ZNF626: variants seen among roughly 807,000 people sequenced by gnomAD.
The protein encoded by ZNF626 is zinc finger protein 626.
Under a neutral mutation model 11.7 loss-of-function variants are expected in ZNF626, and 4 were observed. The observed-to-expected ratio is 0.34, with a 90% CI of 0.17 to 0.78. The LOEUF (loss-of-function observed/expected upper bound fraction) is 0.78, where lower values mean the gene tolerates loss of function less well. Among genes scored for constraint, ZNF626 ranks in the 30% least tolerant of loss-of-function variants. ZNF626 has a pLI of 0.57. For missense variants in ZNF626, 588 were observed against 587.1 expected (o/e 1.00, Z -0.01); for synonymous variants, 179 against 198.6 (o/e 0.90, Z 0.83).
rs533301723 is a variant in ZNF626 at position 20,622,734 on chromosome 19, T to C, written c.*1556A>G. The C allele has an allele frequency of 7.9e-5, 12 of 152,322 alleles. No individual in the cohort carries two copies. The East Asian group carries it at 2.3e-3, about 29-fold the overall frequency. 9.4% of individuals were successfully genotyped at this position (152,322 alleles called of 1,614,324 possible). ...ACAACTTTAGTTGTGAATTCATTTA[T>C]ATACTCAACACTCTTATTTAATGTA... On this transcript the variant is annotated 3_prime_UTR_variant, in exon 4 of 4. Transcript: ENST00000601440.
chr19:20,649,773 C>G (rs137881355), intron 1 of ZNF626, among the ~76,000 whole-genome samples: 7 of 152,212 alleles, frequency 4.6e-5, no homozygotes, highest in African/African-American at 1.7e-4. Flanking sequence ...TGAAAAGGGT[C>G]CATGAATGGG....
intron 1 of ZNF626, among the ~76,000 whole-genome samples, chr19:20,649,750 G>A (rs1555772350): frequency 6.6e-6 from 1 of 152,240 alleles, no homozygotes; most frequent in Non-Finnish European, 1.5e-5. Flanking sequence ...TATGTAATGT[G>A]ACTCTGGAGG....
intron 1 of ZNF626, among the ~76,000 whole-genome samples, chr19:20,649,213 TACC>T (rs1555772278): frequency 6.6e-6 from 1 of 152,158 alleles, no homozygotes; most frequent in Non-Finnish European, 1.5e-5. Flanking sequence ...AAGGTGTCAG[TACC>T]ACATGTTTAC....
intron 1 of ZNF626, among the ~76,000 whole-genome samples, chr19:20,647,236 CTG>C (rs1323382110): frequency 6.6e-6 from 1 of 152,006 alleles, no homozygotes; most frequent in Non-Finnish European, 1.5e-5. Context: ...GTGGAACAGC[CTG>C]TGTTTTTCCC....
chr19:20,637,377 C>T (rs782412014), intron 3 of ZNF626, among the ~76,000 whole-genome samples: 5 of 150,680 alleles, frequency 3.3e-5, no homozygotes, highest in Middle Eastern at 3.2e-3. Context: ...CCCAGCTACA[C>T]GGGAGGCTGA....
intron 1 of ZNF626, among the ~76,000 whole-genome samples, chr19:20,660,726 G>A (rs1379420533): frequency 6.6e-6 from 1 of 151,986 alleles, no homozygotes; most frequent in African/African-American, 2.4e-5. Flanking sequence ...CAGCAAGAAA[G>A]GGGTTTTGAA....
At chr19:20,657,493 G>A (rs559667091) in intron 1 of ZNF626, among the ~76,000 whole-genome samples, 1 of 152,114 alleles carries the variant, frequency 6.6e-6, no homozygotes, top group Non-Finnish European at 1.5e-5. Context: ...TGATGAAGCT[G>A]GAGACAATTA....
At chr19:20,636,075 T>C (rs1444933621) in intron 3 of ZNF626, among the ~76,000 whole-genome samples, 1 of 152,160 alleles carries the variant, frequency 6.6e-6, no homozygotes, top group Non-Finnish European at 1.5e-5. Context: ...GAGGTTTCAG[T>C]GAGCTGAGAT....
At chr19:20,640,858 T>TA (rs1397163187) in intron 3 of ZNF626, among the ~76,000 whole-genome samples, 52 of 151,928 alleles carry the variant, frequency 3.4e-4, no homozygotes, top group African/African-American at 1.1e-3. Context: ...CCAAAATACG[T>TA]AAAAAAAGCC....
intron 3 of ZNF626, among the ~76,000 whole-genome samples, chr19:20,643,330 T>C (rs1157242907): frequency 6.6e-6 from 1 of 151,198 alleles, no homozygotes; most frequent in Non-Finnish European, 1.5e-5. Context: ...AGAATAGGGT[T>C]AGACCCTCTG....
chr19:20,645,311 T>C (rs1019304641), intron 3 of ZNF626: 8 of 1,549,132 alleles, frequency 5.2e-6, no homozygotes, highest in South Asian at 1.2e-5. Context: ...AAAGAGAACT[T>C]TGAGAGTAAT....
intron 1 of ZNF626, among the ~76,000 whole-genome samples, chr19:20,650,001 A>T (rs1402148253): frequency 6.6e-6 from 1 of 152,258 alleles, no homozygotes; most frequent in Admixed American, 6.5e-5. Context: ...AACAGAAGGC[A>T]GCAATGTCTG....
chr19:20,622,867 T>G lies in ZNF626; in HGVS notation c.*1423A>C, dbSNP rs1969773268. The G allele has an allele frequency of 6.6e-6, 1 of 152,096 alleles. No homozygotes were observed. The highest frequency in any genetic ancestry group is 1.5e-5 in the Non-Finnish European group (1 of 68,000). The allele number at this position is 152,096 out of a possible 1,614,324, so 9.4% of individuals were successfully genotyped here. On this transcript the variant is annotated 3_prime_UTR_variant, in exon 4 of 4. Transcript: ENST00000601440. ...GTTTACTGCATCTGCAAAAATATAT[T>G]TTAGTATAAACTCTGCTGTTTTCTA...
intron 1 of ZNF626, among the ~76,000 whole-genome samples, chr19:20,648,012 C>A (rs2144786547): frequency 6.6e-6 from 1 of 151,818 alleles, no homozygotes; most frequent in Middle Eastern, 3.4e-3. Context: ...AACCCCATCT[C>A]TATTAAAAAT....
At chr19:20,654,050 G>A (rs1163641457) in intron 1 of ZNF626, among the ~76,000 whole-genome samples, 1 of 152,062 alleles carries the variant, frequency 6.6e-6, no homozygotes, top group African/African-American at 2.4e-5. Context: ...TAACAATTTG[G>A]TTGTAAATAT....
At position 20,625,293 on chromosome 19, in the gene ZNF626, T is replaced by A. The variant is rs1402609225; in HGVS notation, c.584A>T (p.His195Leu). 1.2e-6 allele frequency: 2 copies of A among 1,614,042 alleles called. No homozygotes were observed. Among genetic ancestry groups the A allele is most frequent in the Admixed American group, 1.7e-5 (1 of 59,996 alleles). Residue 195 changes from histidine (H) to leucine (L), a missense_variant, in exon 4 of 4, where the codon CAT (histidine) becomes CTT (leucine). By Grantham distance (99) the His-to-Leu change is moderately conservative. Around this residue, in one of 4 missense-constraint regions of ZNF626, gnomAD observed 524 missense variants for 470.1 expected, o/e 1.11. Transcript: ENST00000601440. Reference sequence around the variant, plus strand: ...ACATTTGTAGGGTTTCCCTCCAGTATGAATTTTCTTATGTGTAGTAAGAGT... The same window carrying A: ...ACATTTGTAGGGTTTCCCTCCAGTAAGAATTTTCTTATGTGTAGTAAGAGT... ...FSTLTTHKKI[H>L]TGGKPYKCEE...
At chr19:20,645,178 TCATAATTTCAAACTATATATTTC>T in intron 3 of ZNF626, 1 of 1,044,816 alleles carries the variant, frequency 9.6e-7, no homozygotes, top group Non-Finnish European at 1.2e-6. Context: ...AGGAAGGATG[TCATAATTTCAAACTATATATTTC>T]AAGCCTAGAT....
rs1028478918 is a variant in ZNF626, at chr19:20,620,627, C to T, written c.*3663G>A. ...GGAGTGCAGCAGCACAATCTTGGCT[C>T]ACTGCAATCTCCACCTCCCAAGTTC... On this transcript the variant is annotated 3_prime_UTR_variant, in exon 4 of 4. Transcript: ENST00000601440. The T allele has an allele frequency of 1.3e-5, 2 of 152,190 alleles. No homozygotes were observed. Among genetic ancestry groups the T allele is most frequent in the Admixed American group, 6.5e-5 (1 of 15,282 alleles). 9.4% of individuals were successfully genotyped at this position (152,190 alleles called of 1,614,324 possible).
At chr19:20,630,750 T>G (rs1453025670) in intron 3 of ZNF626, among the ~76,000 whole-genome samples, 65 of 150,852 alleles carry the variant, frequency 4.3e-4, no homozygotes, top group Non-Finnish European at 8.9e-4. Context: ...TCATTGATTT[T>G]TTTGAAGGGT....
Sources: gnomAD v4.1 joint callset for allele counts (sites outside exome capture counted in the v4.1 genomes callset) on GRCh38, gnomAD v4.1.1 for gene constraint, gnomAD v4.1.1 regional missense constraint, MANE v1.5 for transcripts, NCBI Gene and HGNC (gene_info 2026-07-23, HGNC 2026-07-21) for gene names.